Variants in IL1RAPL1 observed in about 807,000 individuals in gnomAD.
IL1RAPL1 encodes the protein interleukin 1 receptor accessory protein like 1, also known as interleukin-1 receptor accessory protein-like 1.
In IL1RAPL1, 3 loss-of-function variants were observed where a neutral mutation model predicts 48.4. The ratio of observed to expected loss-of-function variants is 0.06; its 90% CI spans 0.03 to 0.16. IL1RAPL1 has a LOEUF of 0.16. Ranked by LOEUF, IL1RAPL1 falls within the 10% of genes least tolerant of loss-of-function variation. The pLI is 1.00. For missense variants in IL1RAPL1, 349 were observed against 530.6 expected, an observed-to-expected ratio of 0.66 and a Z score of 3.36; for synonymous variants, 185 against 187.7, an observed-to-expected ratio of 0.99 and a Z score of 0.12.
chrX:29,604,101 A>G (rs1334976012), intron 5 of IL1RAPL1, among the ~76,000 whole-genome samples: 1 of 112,198 alleles, frequency 8.9e-6, no homozygotes, highest in East Asian at 2.8e-4. Flanking sequence ...TTTTAAGGTA[A>G]TGAAATCCAT....
At chrX:29,876,312 T>G (rs1057443066) in intron 6 of IL1RAPL1, among the ~76,000 whole-genome samples, 5 of 111,836 alleles carry the variant, frequency 4.5e-5, no homozygotes, top group Non-Finnish European at 9.4e-5. Context: ...GGTTCCCAAG[T>G]ATCCAGTCAT....
intron 3 of IL1RAPL1, among the ~76,000 whole-genome samples, chrX:29,319,720 GTTCCCATTCA>G (rs1932791490): frequency 9.1e-6 from 1 of 110,126 alleles, no homozygotes; most frequent in Non-Finnish European, 1.9e-5. Flanking sequence ...CTCAATGGGT[GTTCCCATTCA>G]TTGCATTGTG....
chrX:29,144,543 C>T (rs1929307287), intron 2 of IL1RAPL1, among the ~76,000 whole-genome samples: 1 of 89,422 alleles, frequency 1.1e-5, no homozygotes, highest in South Asian at 5.9e-4. Flanking sequence ...ACAGAGATTG[C>T]AGTGAGCCGA....
chrX:29,055,336 C>A (rs1927188098), intron 2 of IL1RAPL1, among the ~76,000 whole-genome samples: 1 of 111,511 alleles, frequency 9.0e-6, no homozygotes. Flanking sequence ...ATAATTCTAT[C>A]CATATAATTC....
At chrX:29,303,704 A>C (rs780100652) in intron 3 of IL1RAPL1, among the ~76,000 whole-genome samples, 1 of 112,025 alleles carries the variant, frequency 8.9e-6, no homozygotes, top group Non-Finnish European at 1.9e-5. Context: ...TACATAAAGT[A>C]TTTGGGCCCT....
intron 5 of IL1RAPL1, among the ~76,000 whole-genome samples, chrX:29,638,765 A>C (rs1925059646): frequency 8.9e-6 from 1 of 112,629 alleles, no homozygotes; most frequent in East Asian, 2.8e-4. Context: ...ACATCAAAAA[A>C]TTATGCTTGC....
intron 2 of IL1RAPL1, among the ~76,000 whole-genome samples, chrX:29,271,168 T>C (rs1401236025): frequency 8.9e-6 from 1 of 111,865 alleles, no homozygotes; most frequent in Non-Finnish European, 1.9e-5. Flanking sequence ...TCCAGCTTCA[T>C]TGATGTTGCT....
At chrX:29,490,690 T>C (rs1935147082) in intron 5 of IL1RAPL1, among the ~76,000 whole-genome samples, 1 of 110,840 alleles carries the variant, frequency 9.0e-6, no homozygotes, top group Non-Finnish European at 1.9e-5. Context: ...TCTTTTATTA[T>C]TCTATAATAT....
intron 2 of IL1RAPL1, among the ~76,000 whole-genome samples, chrX:28,825,862 A>G (rs754914146): frequency 8.1e-5 from 9 of 111,396 alleles, no homozygotes; most frequent in Non-Finnish European, 1.1e-4. Context: ...TGGTTCAAGA[A>G]TTACTTCTTT....
chrX:29,637,053 CAA>C (rs761907735), intron 5 of IL1RAPL1, among the ~76,000 whole-genome samples: 5 of 54,303 alleles, frequency 9.2e-5, no homozygotes, highest in Admixed American at 2.3e-4. Flanking sequence ...AACTCCGTCT[CAA>C]AAAAAAAAAA....
chrX:28,619,529 C>T (rs781367633), intron 1 of IL1RAPL1, among the ~76,000 whole-genome samples: 4 of 106,025 alleles, frequency 3.8e-5, no homozygotes, highest in Admixed American at 3.1e-4. Flanking sequence ...ATTGCTGGAG[C>T]CCAGGAGGCA....
intron 5 of IL1RAPL1, among the ~76,000 whole-genome samples, chrX:29,435,884 TTTTTC>T (rs1934476745): frequency 9.0e-6 from 1 of 110,779 alleles, no homozygotes; most frequent in African/African-American, 3.3e-5. Context: ...GAATGGTCAC[TTTTTC>T]TTTTCAAGTC....
In IL1RAPL1 at chrX:28,802,945, C is replaced by A. The variant is rs1340234156; in HGVS notation, c.82+13520C>A. Reference sequence around the variant, plus strand: ...TATTTTACTTGATCTTAATACTGTTCAAACATTTATTTGCCCTGATTTATT... The same window carrying A: ...TATTTTACTTGATCTTAATACTGTTAAAACATTTATTTGCCCTGATTTATT... On this transcript the variant is annotated intron_variant, in intron 2 of 10. Transcript: ENST00000378993. Among the ~76,000 whole-genome samples the A allele has an allele frequency of 2.7e-5, 3 of 111,114 alleles. No homozygotes were observed. The South Asian group carries it at 1.1e-3, about 42-fold the overall frequency.
At chrX:28,811,864 G>A (rs751780511) in intron 2 of IL1RAPL1, among the ~76,000 whole-genome samples, 11 of 110,594 alleles carry the variant, frequency 9.9e-5, no homozygotes, top group East Asian at 8.6e-4. Flanking sequence ...AGCCCAGAAC[G>A]TCAGAGATTT....
chrX:29,245,544 TC>T (rs1446866578), intron 2 of IL1RAPL1, among the ~76,000 whole-genome samples: 1 of 112,407 alleles, frequency 8.9e-6, no homozygotes, highest in Non-Finnish European at 1.9e-5. Context: ...GAGCTTTTTT[TC>T]ATATGTTTGT....
chrX:28,608,532 A>C (rs1489412341), intron 1 of IL1RAPL1, among the ~76,000 whole-genome samples: 1 of 111,816 alleles, frequency 8.9e-6, no homozygotes, highest in African/African-American at 3.2e-5. Flanking sequence ...CTTAATCTTT[A>C]CCACTTACCT....
chrX:28,790,869 G>GCA (rs1380919587), intron 2 of IL1RAPL1, among the ~76,000 whole-genome samples: 3 of 111,194 alleles, frequency 2.7e-5, no homozygotes, highest in Admixed American at 9.6e-5. Flanking sequence ...GTAGAAAGAG[G>GCA]GGTAAATAGT....
intron 5 of IL1RAPL1, among the ~76,000 whole-genome samples, chrX:29,524,131 G>T (rs1490313298): frequency 1.9e-5 from 2 of 107,007 alleles, no homozygotes; most frequent in African/African-American, 6.8e-5. Context: ...TTCCAAGTAT[G>T]TAATGTAGGA....
chrX:28,938,329 A>G (rs1216624936), intron 2 of IL1RAPL1, among the ~76,000 whole-genome samples: 1 of 111,127 alleles, frequency 9.0e-6, no homozygotes, highest in Non-Finnish European at 1.9e-5. Flanking sequence ...ACATAAACCA[A>G]TGAAACAGAA....
Sources: gnomAD v4.1 joint callset for allele counts (sites outside exome capture counted in the v4.1 genomes callset) on GRCh38, gnomAD v4.1.1 for gene constraint, MANE v1.5 for transcripts, NCBI Gene and HGNC (gene_info 2026-07-23, HGNC 2026-07-21) for gene names.